EXOC4: variants seen among roughly 807,000 people sequenced by gnomAD.
The protein encoded by EXOC4 is SEC8-like 1.
EXOC4 carries 71 observed loss-of-function variants against 107.2 expected under a neutral mutation model. The observed-to-expected ratio is 0.66, with a 90% CI of 0.55 to 0.81. The LOEUF (loss-of-function observed/expected upper bound fraction) is 0.81. Ranked by LOEUF, EXOC4 falls within the 30% of genes least tolerant of loss-of-function variation. EXOC4 has a pLI of 0.00. For synonymous variants in EXOC4, 456 were observed against 441.2 expected (o/e 1.03, Z -0.42); for missense variants, 1,108 against 1,189.6 (o/e 0.93, Z 1.01).
chr7:133,342,942 T>A (rs1795699092), intron 5 of EXOC4, among the ~76,000 whole-genome samples: 1 of 152,210 alleles, frequency 6.6e-6, no homozygotes, highest in African/African-American at 2.4e-5. Context: ...TATTAATTTT[T>A]AAATTTAAGT....
At chr7:133,438,486 G>A (rs1162164220) in intron 7 of EXOC4, among the ~76,000 whole-genome samples, 1 of 152,000 alleles carries the variant, frequency 6.6e-6, no homozygotes, top group Non-Finnish European at 1.5e-5. Flanking sequence ...CTCCAATGGG[G>A]GTTGTTATTA....
intron 17 of EXOC4, among the ~76,000 whole-genome samples, chr7:134,050,314 C>T (rs1563104714): frequency 6.6e-6 from 1 of 152,122 alleles, no homozygotes; most frequent in Non-Finnish European, 1.5e-5. Context: ...TAAATATTAA[C>T]TTGCTTAGTC....
Position 133,701,175 on chromosome 7 carries a change from A to G in EXOC4, c.1514+71034A>G, listed in dbSNP as rs546620413. On this transcript the variant is annotated intron_variant, in intron 10 of 17. Coordinates refer to ENST00000253861, the MANE Select transcript of EXOC4 (RefSeq NM_021807.4). ...AACTTGAATTTATCCATAGATAATT[A>G]AAAGTAAAATGTCCTAGACTTGAGA... 1.1e-4 allele frequency among the ~76,000 whole-genome samples: 17 copies of G among 152,366 alleles called. No homozygotes were observed. In the South Asian group the frequency reaches 3.3e-3, roughly 30 times the overall value.
intron 4 of EXOC4, among the ~76,000 whole-genome samples, chr7:133,311,882 A>G (rs191621378): frequency 1.9e-3 from 282 of 152,294 alleles, no homozygotes; most frequent in Middle Eastern, 3.4e-3. Context: ...TACACATTTG[A>G]AAAATTAAAT....
intron 9 of EXOC4, chr7:133,483,955 T>C (rs1799214638): frequency 7.0e-7 from 1 of 1,422,752 alleles, no homozygotes; most frequent in African/African-American, 1.4e-5. Context: ...GGGAAGATTT[T>C]TGTTTCTTCT....
intron 7 of EXOC4, among the ~76,000 whole-genome samples, chr7:133,471,769 G>A (rs1798885241): frequency 6.6e-6 from 1 of 152,052 alleles, no homozygotes; most frequent in African/African-American, 2.4e-5. Context: ...CTGTTGCATG[G>A]CCCTATGGTG....
At chr7:133,467,124 C>G (rs1798749394) in intron 7 of EXOC4, among the ~76,000 whole-genome samples, 1 of 151,984 alleles carries the variant, frequency 6.6e-6, no homozygotes. Flanking sequence ...TCGCCATGTG[C>G]TATGAAACCC....
chr7:133,690,946 A>C (rs953573399), intron 10 of EXOC4, among the ~76,000 whole-genome samples: 1 of 152,146 alleles, frequency 6.6e-6, no homozygotes, highest in African/African-American at 2.4e-5. Flanking sequence ...TTGTGATAAG[A>C]GTTGCTCTCC....
chr7:134,075,472 G>T, the EXOC4 span, among the ~76,000 whole-genome samples: 5 of 152,186 alleles, frequency 3.3e-5, no homozygotes, highest in East Asian at 1.9e-4. Flanking sequence ...AAGGCAAAAG[G>T]CTTGTCTTAG....
intron 9 of EXOC4, among the ~76,000 whole-genome samples, chr7:133,614,555 G>C (rs2150999945): frequency 6.6e-6 from 1 of 152,122 alleles, no homozygotes; most frequent in South Asian, 2.1e-4. Context: ...ATTGCACATG[G>C]TACTCTATGA....
intron 11 of EXOC4, among the ~76,000 whole-genome samples, chr7:133,878,722 A>T (rs11487001): frequency 6.6e-6 from 1 of 151,274 alleles, no homozygotes; most frequent in Non-Finnish European, 1.5e-5. Flanking sequence ...TGTTTTTTTT[A>T]TGTTTGTTTG....
intron 9 of EXOC4, among the ~76,000 whole-genome samples, chr7:133,623,210 A>G (rs1481528716): frequency 1.3e-5 from 2 of 152,230 alleles, no homozygotes; most frequent in Non-Finnish European, 2.9e-5. Flanking sequence ...AGAGCTACAC[A>G]AGAATAAAAT....
intron 7 of EXOC4, among the ~76,000 whole-genome samples, chr7:133,461,806 CA>C (rs1798600328): frequency 6.6e-6 from 1 of 152,272 alleles, no homozygotes; most frequent in South Asian, 2.1e-4. Context: ...ATCTTACTTT[CA>C]ATTTAGGTAA....
chr7:133,690,268 T>C (rs1794391246), intron 10 of EXOC4, among the ~76,000 whole-genome samples: 1 of 152,250 alleles, frequency 6.6e-6, no homozygotes, highest in African/African-American at 2.4e-5. Context: ...AATAAAGATA[T>C]TTACTTTTAA....
chr7:133,457,674 C>T (rs1023204939), intron 7 of EXOC4, among the ~76,000 whole-genome samples: 2 of 152,080 alleles, frequency 1.3e-5, no homozygotes, highest in African/African-American at 2.4e-5. Flanking sequence ...GGGACTCTGC[C>T]GGAAGGACTT....
chr7:133,423,931 G>A (rs535755735), intron 7 of EXOC4, among the ~76,000 whole-genome samples: 4 of 152,314 alleles, frequency 2.6e-5, no homozygotes, highest in Admixed American at 6.5e-5. Flanking sequence ...GTCCTGTGGC[G>A]AGTGCTAGCG....
chr7:133,502,534 G>A (rs908509346), intron 9 of EXOC4, among the ~76,000 whole-genome samples: 2 of 152,192 alleles, frequency 1.3e-5, no homozygotes, highest in African/African-American at 2.4e-5. Flanking sequence ...GCTTTTTTGT[G>A]TGTGGGGGGA....
intron 11 of EXOC4, among the ~76,000 whole-genome samples, chr7:133,888,966 A>G (rs1799146248): frequency 6.6e-6 from 1 of 152,248 alleles, no homozygotes; most frequent in South Asian, 2.1e-4. Context: ...AACCCTTTAA[A>G]TGTTCATGAT....
At chr7:133,619,388 C>T (rs1802272221) in intron 9 of EXOC4, among the ~76,000 whole-genome samples, 1 of 152,194 alleles carries the variant, frequency 6.6e-6, no homozygotes, top group Admixed American at 6.5e-5. Context: ...ATTTAAACAA[C>T]ACTATTTCTT....
Sources: allele counts gnomAD v4.1 joint callset (sites outside exome capture counted in the v4.1 genomes callset), GRCh38; gene constraint gnomAD v4.1.1; transcripts MANE v1.5; gene names NCBI Gene and HGNC (gene_info 2026-07-23, HGNC 2026-07-21).